SPAG16: variants seen among roughly 807,000 people sequenced by gnomAD.
SPAG16 encodes the protein sperm-associated antigen 16 protein.
In SPAG16, 86 loss-of-function variants were observed where a neutral mutation model predicts 80.4. The observed-to-expected ratio is 1.07, with a 90% CI of 0.90 to 1.28. The LOEUF (loss-of-function observed/expected upper bound fraction) is 1.28, where lower values mean the gene tolerates loss of function less well. Ranked by LOEUF, SPAG16 falls within the 50% of genes most tolerant of loss-of-function variation. The probability of loss-of-function intolerance (pLI) is 0.00; values close to 1 mark genes in which losing one functional copy is unlikely to be tolerated. For missense variants in SPAG16, 870 were observed against 765.3 expected, an observed-to-expected ratio of 1.14 and a Z score of -1.61; for synonymous variants, 294 against 265.9, an observed-to-expected ratio of 1.11 and a Z score of -1.03.
chr2:214,186,999 G>C (rs1382497007), intron 15 of SPAG16, among the ~76,000 whole-genome samples: 2 of 151,954 alleles, frequency 1.3e-5, no homozygotes, highest in Non-Finnish European at 2.9e-5. Flanking sequence ...CCTTACCTTA[G>C]GTGATCCACC....
rs138012670 is a variant in SPAG16 at position 213,294,519 on chromosome 2, T to G, written c.137-1545T>G. On this transcript the variant is annotated intron_variant, in intron 1 of 15. Coordinates refer to ENST00000331683, the MANE Select transcript of SPAG16 (RefSeq NM_024532.5). ...AATAGACTGCAAGTATGCAACTATT[T>G]TTTTGTTTAATCATTTAACTAGCTA... Among the ~76,000 whole-genome samples, 10 of 152,330 alleles carry G rather than the reference T, an allele frequency of 6.6e-5. No homozygotes were observed. In the East Asian group the frequency reaches 1.9e-3, roughly 29 times the overall value.
intron 15 of SPAG16, among the ~76,000 whole-genome samples, chr2:214,367,230 G>A (rs534895818): frequency 4.6e-5 from 7 of 152,206 alleles, no homozygotes; most frequent in South Asian, 2.1e-4. Context: ...AAAACCAAAC[G>A]GCTAGACTCT....
intron 9 of SPAG16, among the ~76,000 whole-genome samples, chr2:213,408,721 T>C (rs1333729555): frequency 6.6e-6 from 1 of 152,180 alleles, no homozygotes; most frequent in Non-Finnish European, 1.5e-5. Flanking sequence ...GAAACTCTTG[T>C]AGAAGCAGAG....
At chr2:213,362,927 A>G (rs2066067377) in intron 7 of SPAG16, among the ~76,000 whole-genome samples, 1 of 152,094 alleles carries the variant, frequency 6.6e-6, no homozygotes, top group South Asian at 2.1e-4. Flanking sequence ...AACACTGGGG[A>G]TCACTTTTCA....
intron 6 of SPAG16, among the ~76,000 whole-genome samples, chr2:213,347,062 A>G (rs1410691565): frequency 2.0e-5 from 3 of 152,056 alleles, no homozygotes; most frequent in Non-Finnish European, 4.4e-5. Flanking sequence ...TCAATTTCAG[A>G]GCCTGCAATT....
At chr2:213,845,525 G>C (rs1397869368) in intron 10 of SPAG16, among the ~76,000 whole-genome samples, 2 of 152,072 alleles carry the variant, frequency 1.3e-5, no homozygotes, top group Non-Finnish European at 2.9e-5. Context: ...AACATGAACA[G>C]TATTAATAAG....
chr2:213,587,280 C>T (rs1009310166), intron 10 of SPAG16, among the ~76,000 whole-genome samples: 5 of 152,144 alleles, frequency 3.3e-5, no homozygotes, highest in African/African-American at 4.8e-5. Context: ...GCATGCTGTA[C>T]CTGGGTCAGC....
chr2:213,520,315 G>C (rs984565070), intron 10 of SPAG16, among the ~76,000 whole-genome samples: 4 of 152,238 alleles, frequency 2.6e-5, no homozygotes, highest in Admixed American at 2.0e-4. Flanking sequence ...GGCCAAGCGT[G>C]GTGGCTCACG....
rs2076181082 is a variant in SPAG16 at position 213,877,388 on chromosome 2, C to A, written c.1214+14760C>A. 2.0e-5 allele frequency among the ~76,000 whole-genome samples: 3 copies of A among 152,196 alleles called. No homozygotes were observed. In the South Asian group the frequency reaches 6.2e-4, roughly 32 times the overall value. ...GTGGTGGTGTGATCTTGGCTCACTA[C>A]AGCCTCAACCTCCCAACATCAAGTG... On this transcript the variant is annotated intron_variant, in intron 11 of 15. Transcript: ENST00000331683.
chr2:214,353,193 G>T (rs1698539514), intron 15 of SPAG16, among the ~76,000 whole-genome samples: 1 of 151,968 alleles, frequency 6.6e-6, no homozygotes, highest in Non-Finnish European at 1.5e-5. Context: ...AAAAAATGCA[G>T]TCAAGAAAGA....
intron 12 of SPAG16, among the ~76,000 whole-genome samples, chr2:214,002,765 A>G (rs1396660642): frequency 6.6e-6 from 1 of 152,148 alleles, no homozygotes; most frequent in Non-Finnish European, 1.5e-5. Context: ...CAAACTCACC[A>G]TTTTAGTTAT....
chr2:214,167,966 T>C (rs2056724929), intron 15 of SPAG16, among the ~76,000 whole-genome samples: 1 of 150,638 alleles, frequency 6.6e-6, no homozygotes, highest in Non-Finnish European at 1.5e-5. Context: ...TTTCTTTTTT[T>C]CTGTTTTCTT....
At chr2:214,158,913 A>G (rs1158136942) in intron 15 of SPAG16, among the ~76,000 whole-genome samples, 1 of 152,032 alleles carries the variant, frequency 6.6e-6, no homozygotes, top group East Asian at 1.9e-4. Context: ...TGAATTCTAA[A>G]TTAGTGTAAT....
chr2:214,290,203 C>CAT (rs1428138697), intron 15 of SPAG16, among the ~76,000 whole-genome samples: 1 of 152,004 alleles, frequency 6.6e-6, no homozygotes, highest in Non-Finnish European at 1.5e-5. Context: ...AGTATTTTAG[C>CAT]ATATAGTTGT....
chr2:213,935,063 G>A (rs1202965887), intron 12 of SPAG16, among the ~76,000 whole-genome samples: 2 of 151,954 alleles, frequency 1.3e-5, no homozygotes, highest in African/African-American at 4.8e-5. Flanking sequence ...TTACCTGGGC[G>A]TGGTGGCAGG....
chr2:214,271,973 A>C (rs564562936), intron 15 of SPAG16, among the ~76,000 whole-genome samples: 2 of 152,238 alleles, frequency 1.3e-5, no homozygotes, highest in South Asian at 4.1e-4. Context: ...TGATTCTCAT[A>C]ATATCTATTT....
At chr2:213,869,330 A>G (rs1229750402) in intron 11 of SPAG16, among the ~76,000 whole-genome samples, 1 of 117,054 alleles carries the variant, frequency 8.5e-6, no homozygotes, top group Non-Finnish European at 2.0e-5. Context: ...ACACACATGC[A>G]AAACTTTTTA....
At chr2:214,088,509 A>G (rs529160879) in intron 13 of SPAG16, among the ~76,000 whole-genome samples, 105 of 152,300 alleles carry the variant, frequency 6.9e-4, no homozygotes, top group Non-Finnish European at 1.2e-3. Context: ...CAGGAAAAAA[A>G]CTACATTAGC....
intron 15 of SPAG16, among the ~76,000 whole-genome samples, chr2:214,404,726 G>A (rs918302430): frequency 2.0e-5 from 3 of 151,932 alleles, no homozygotes; most frequent in African/African-American, 4.8e-5. Flanking sequence ...AGGTGGAGAG[G>A]GAGGCAAAGT....
Sources: allele counts gnomAD v4.1 joint callset (sites outside exome capture counted in the v4.1 genomes callset), GRCh38; gene constraint gnomAD v4.1.1; transcripts MANE v1.5; gene names NCBI Gene and HGNC (gene_info 2026-07-23, HGNC 2026-07-21).